TMEM178B: variants seen among roughly 807,000 people sequenced by gnomAD.
TMEM178B encodes the protein transmembrane protein 178B.
A neutral mutation model predicts 31.0 loss-of-function variants in TMEM178B; 5 were observed. The observed-to-expected ratio is 0.16, with a 90% CI of 0.08 to 0.34. The LOEUF (loss-of-function observed/expected upper bound fraction) is 0.34, where lower values mean the gene tolerates loss of function less well. Ranked by LOEUF, TMEM178B falls within the 10% of genes least tolerant of loss-of-function variation. The pLI is 1.00. For missense variants in TMEM178B, 275 were observed against 400.3 expected (o/e 0.69, Z 2.67); for synonymous variants, 164 against 164.0 (o/e 1.00, Z 0.00).
chr7:141,463,051 G>C (rs773499192), intron 3 of TMEM178B, among the ~76,000 whole-genome samples: 3 of 152,162 alleles, frequency 2.0e-5, no homozygotes, highest in Admixed American at 6.5e-5. Flanking sequence ...GGGTGCTGCT[G>C]CTTATGTGTC....
chr7:141,096,597 C>T (rs894543787), intron 1 of TMEM178B, among the ~76,000 whole-genome samples: 2 of 152,162 alleles, frequency 1.3e-5, no homozygotes, highest in Non-Finnish European at 2.9e-5. Context: ...TCCTAGAAGG[C>T]GGTGTAACCA....
intron 2 of TMEM178B, among the ~76,000 whole-genome samples, chr7:141,311,159 G>A (rs561341277): frequency 6.6e-6 from 1 of 152,328 alleles, no homozygotes; most frequent in South Asian, 2.1e-4. Context: ...GGGATGGTGG[G>A]AGGGAGAGCA....
chr7:141,082,530 G>A, intron 1 of TMEM178B, among the ~76,000 whole-genome samples: 1 of 152,258 alleles, frequency 6.6e-6, no homozygotes, highest in East Asian at 1.9e-4. Context: ...ATGCCCATAT[G>A]TAATAAATAA....
At chr7:141,085,813 G>C (rs535978321) in intron 1 of TMEM178B, among the ~76,000 whole-genome samples, 49 of 152,188 alleles carry the variant, frequency 3.2e-4, no homozygotes, top group African/African-American at 1.2e-3. Context: ...ACACTGGAGA[G>C]AGATGAGGTA....
At chr7:141,177,919 T>C (rs1433498317) in intron 1 of TMEM178B, among the ~76,000 whole-genome samples, 1 of 152,226 alleles carries the variant, frequency 6.6e-6, no homozygotes, top group Non-Finnish European at 1.5e-5. Context: ...TGTCTTTTAA[T>C]TGGGGCATTT....
intron 2 of TMEM178B, among the ~76,000 whole-genome samples, chr7:141,388,600 A>G (rs955443379): frequency 7.9e-5 from 12 of 152,184 alleles, no homozygotes; most frequent in Non-Finnish European, 5.9e-5. Flanking sequence ...CCAAAACCTA[A>G]TCCTAGAAAT....
chr7:141,420,863 G>T (rs7781551), intron 2 of TMEM178B, among the ~76,000 whole-genome samples: 2 of 152,012 alleles, frequency 1.3e-5, no homozygotes, highest in African/African-American at 2.4e-5. Context: ...AGACAGGCTG[G>T]CATACTGCAT....
At chr7:141,243,340 A>G (rs1022468703) in intron 2 of TMEM178B, among the ~76,000 whole-genome samples, 1 of 152,116 alleles carries the variant, frequency 6.6e-6, no homozygotes, top group Non-Finnish European at 1.5e-5. Context: ...GAGATTAAAA[A>G]TGACACTGAA....
Position 141,230,143 on chromosome 7 carries a change from G to A in TMEM178B, c.496+17439G>A, listed in dbSNP as rs193260998. Among the ~76,000 whole-genome samples the A allele has an allele frequency of 2.9e-4, 44 of 152,126 alleles. No homozygotes were observed. The East Asian group carries it at 7.9e-3, about 27-fold the overall frequency. ...AATGTTTATGTTGAACTAGTTTTGGGCCATTATAATAATGTTATAATGATA... is the reference window on the plus strand; with the variant it reads ...AATGTTTATGTTGAACTAGTTTTGGACCATTATAATAATGTTATAATGATA... On this transcript the variant is annotated intron_variant, in intron 2 of 3. Coordinates refer to ENST00000565468, the MANE Select transcript of TMEM178B (RefSeq NM_001195278.2).
At chr7:141,294,805 A>G (rs1798603615) in intron 2 of TMEM178B, among the ~76,000 whole-genome samples, 1 of 152,190 alleles carries the variant, frequency 6.6e-6, no homozygotes, top group Admixed American at 6.5e-5. Context: ...TTTCTCTCAT[A>G]TAGAATATAA....
intron 1 of TMEM178B, among the ~76,000 whole-genome samples, chr7:141,210,889 G>T (rs1747960690): frequency 6.6e-6 from 1 of 152,194 alleles, no homozygotes; most frequent in South Asian, 2.1e-4. Flanking sequence ...TTCTGAAGCA[G>T]ACCTGCAGAA....
At chr7:141,345,924 CTT>C (rs1799611039) in intron 2 of TMEM178B, among the ~76,000 whole-genome samples, 1 of 152,092 alleles carries the variant, frequency 6.6e-6, no homozygotes, top group Admixed American at 6.5e-5. Flanking sequence ...CCTTATAAAA[CTT>C]TTGTTTTGTG....
chr7:141,260,328 TA>T (rs1399650191), intron 2 of TMEM178B, among the ~76,000 whole-genome samples: 1 of 152,226 alleles, frequency 6.6e-6, no homozygotes, highest in Non-Finnish European at 1.5e-5. Context: ...TCTCCTAAGC[TA>T]AAACCCAGCA....
intron 2 of TMEM178B, among the ~76,000 whole-genome samples, chr7:141,283,917 A>G (rs1798403335): frequency 6.6e-6 from 1 of 152,218 alleles, no homozygotes; most frequent in Admixed American, 6.5e-5. Context: ...GCAGAATCTG[A>G]TTATTGAAAA....
At chr7:141,082,747 A>G (rs1586758080) in intron 1 of TMEM178B, among the ~76,000 whole-genome samples, 1 of 152,146 alleles carries the variant, frequency 6.6e-6, no homozygotes, top group East Asian at 1.9e-4. Flanking sequence ...GTCCTAAGGG[A>G]GCTTACACTC....
chr7:141,425,875 C>A (rs1249649620), intron 2 of TMEM178B, among the ~76,000 whole-genome samples: 1 of 152,110 alleles, frequency 6.6e-6, no homozygotes, highest in Non-Finnish European at 1.5e-5. Flanking sequence ...GTCTTCTGAC[C>A]CAGAAACCAC....
At chr7:141,160,501 G>T (rs1355522663) in intron 1 of TMEM178B, among the ~76,000 whole-genome samples, 1 of 152,144 alleles carries the variant, frequency 6.6e-6, no homozygotes, top group Non-Finnish European at 1.5e-5. Flanking sequence ...GGCCTTGCTA[G>T]TGTCGTCATT....
intron 2 of TMEM178B, among the ~76,000 whole-genome samples, chr7:141,322,237 A>G (rs58442663): frequency 0.33 from 50,591 of 152,034 alleles, 10,840 homozygotes; most frequent in African/African-American, 0.6. Flanking sequence ...TTATAAGAAT[A>G]AAGAGTAGGC....
downstream of TMEM178B, among the ~76,000 whole-genome samples, chr7:141,481,988 C>A (rs995507301): frequency 1.8e-4 from 27 of 152,272 alleles, no homozygotes; most frequent in African/African-American, 6.0e-4. Context: ...GCCAGCAGCT[C>A]TTTGAGGCAG....
Sources: gnomAD v4.1 joint callset for allele counts (sites outside exome capture counted in the v4.1 genomes callset) on GRCh38, gnomAD v4.1.1 for gene constraint, MANE v1.5 for transcripts, NCBI Gene and HGNC (gene_info 2026-07-23, HGNC 2026-07-21) for gene names.